Variants in AP2A2 observed in about 807,000 individuals in gnomAD.
The protein encoded by AP2A2 is adaptor related protein complex 2 subunit alpha 2.
In AP2A2, 32 loss-of-function variants were observed where a neutral mutation model predicts 104.2. The ratio of observed to expected loss-of-function variants is 0.31; its 90% CI spans 0.23 to 0.41. The LOEUF (loss-of-function observed/expected upper bound fraction) is 0.41, where lower values mean the gene tolerates loss of function less well. AP2A2 is among the 10% of genes least tolerant of loss of function. The probability of loss-of-function intolerance (pLI) is 1.00; values close to 1 mark genes in which losing one functional copy is unlikely to be tolerated. For missense variants in AP2A2, 912 were observed against 1,261.0 expected (o/e 0.72, Z 4.19); for synonymous variants, 539 against 533.3 (o/e 1.01, Z -0.15).
At chr11:999,285 A>G (rs191616595) in intron 14 of AP2A2, among the ~76,000 whole-genome samples, 2 of 152,190 alleles carry the variant, frequency 1.3e-5, no homozygotes, top group Admixed American at 1.3e-4. Context: ...GCCGAGGTGA[A>G]CGTATCACCT....
chr11:948,679 CA>C lies in AP2A2; in HGVS notation c.68-10756del, dbSNP rs375096647. Among the ~76,000 whole-genome samples the C allele has an allele frequency of 8.0e-4, 121 of 151,884 alleles. No individual in the cohort carries two copies. The Middle Eastern group carries it at 0.014, about 17-fold the overall frequency. The stretch of plus-strand genomic sequence containing the variant: ...GTCAGGAGTTCTAGACCAGTCTGGC[CA>C]ATTTGGTGAAACCCCGTCTCTACAA... On this transcript the variant is annotated intron_variant, in intron 1 of 21. Coordinates refer to ENST00000448903, the MANE Select transcript of AP2A2 (RefSeq NM_012305.4).
rs1400982964 is a variant in AP2A2, at chr11:994,092, G to T, written c.1803G>T (p.Met601Ile). 3.7e-6 allele frequency: 6 copies of T among 1,613,030 alleles called. No homozygotes were observed. Among genetic ancestry groups the T allele is most frequent in the African/African-American group, 2.7e-5 (2 of 75,046 alleles). The change falls in exon 14 of 22, where the codon ATG becomes ATT. Residue 601 changes from methionine (M) to isoleucine (I), a missense_variant. By Grantham distance (10) the Met-to-Ile change is conservative. Transcript: ENST00000448903. ...TDILATVLEE[M>I]PPFPERESSI... ...CCAAGGCGACCGTGCTGGAGGAGATGCCCCCATTCCCGGAGCGGGAGTCCT... is the reference window on the plus strand; with the variant it reads ...CCAAGGCGACCGTGCTGGAGGAGATTCCCCCATTCCCGGAGCGGGAGTCCT...
intron 16 of AP2A2, among the ~76,000 whole-genome samples, chr11:1,005,216 A>C (rs979888723): frequency 6.6e-6 from 1 of 152,232 alleles, no homozygotes; most frequent in Non-Finnish European, 1.5e-5. Flanking sequence ...CCTTGAGGAC[A>C]TGGTGCTCAG....
At chr11:984,014 C>A (rs531312632) in intron 6 of AP2A2, among the ~76,000 whole-genome samples, 1 of 152,256 alleles carries the variant, frequency 6.6e-6, no homozygotes, top group Non-Finnish European at 1.5e-5. Context: ...TCACTTACGG[C>A]CTAAAAGTGT....
chr11:964,713 A>T (rs1319245211), intron 2 of AP2A2, among the ~76,000 whole-genome samples: 1 of 152,262 alleles, frequency 6.6e-6, no homozygotes, highest in Non-Finnish European at 1.5e-5. Context: ...AAGCTAAAAA[A>T]TACCTGCCGA....
intron 4 of AP2A2, among the ~76,000 whole-genome samples, chr11:973,936 G>T (rs187282056): frequency 1.3e-5 from 2 of 152,204 alleles, no homozygotes; most frequent in African/African-American, 4.8e-5. Flanking sequence ...GGATGTCTGC[G>T]CGTGAGCGGA....
intron 4 of AP2A2, among the ~76,000 whole-genome samples, chr11:976,075 G>A (rs756376578): frequency 3.9e-5 from 6 of 152,306 alleles, no homozygotes; most frequent in East Asian, 3.9e-4. Flanking sequence ...TCCTGAAGCC[G>A]CCTGGCAAGG....
At chr11:998,249 G>A (rs1855918809) in intron 14 of AP2A2, among the ~76,000 whole-genome samples, 2 of 152,168 alleles carry the variant, frequency 1.3e-5, no homozygotes, top group African/African-American at 2.4e-5. Context: ...TCTTGCAGAG[G>A]TGCTCCGTCA....
chr11:947,142 C>T (rs1234402128), intron 1 of AP2A2, among the ~76,000 whole-genome samples: 1 of 151,626 alleles, frequency 6.6e-6, no homozygotes, highest in Non-Finnish European at 1.5e-5. Context: ...TTTTGAGTAG[C>T]TGGGATTACA....
chr11:932,713 G>C (rs748442633), intron 1 of AP2A2: 15 of 456,114 alleles, frequency 3.3e-5, no homozygotes, highest in Non-Finnish European at 4.8e-5. Context: ...TGCCAAGGTT[G>C]GTGGTCACTG....
chr11:976,636 C>CCAGGGG (rs1855049578), intron 4 of AP2A2, among the ~76,000 whole-genome samples: 1 of 152,014 alleles, frequency 6.6e-6, no homozygotes, highest in South Asian at 2.1e-4. Context: ...GCCCTTTGCT[C>CCAGGGG]CAGGGGCAAG....
At chr11:985,659 G>C (rs902073209) in intron 8 of AP2A2, 77 bp downstream of exon 8, 3 of 1,582,002 alleles carry the variant, frequency 1.9e-6, no homozygotes, top group East Asian at 2.3e-5. Context: ...AGACTGGGCG[G>C]ATCATGTCTG....
intron 1 of AP2A2, chr11:956,761 G>A (rs7396509): frequency 0.51 from 77,027 of 152,032 alleles, 20,145 homozygotes; most frequent in Middle Eastern, 0.66. Context: ...TCTAATGTGC[G>A]TTTTCCCTCT....
In AP2A2 at chr11:1,003,763, T is replaced by C. The variant is rs1224750010; in HGVS notation, c.2165T>C (p.Leu722Pro). 1.9e-6 allele frequency: 3 copies of C among 1,608,976 alleles called. No homozygotes were observed. The highest frequency in any genetic ancestry group is 2.5e-6 in the Non-Finnish European group (3 of 1,177,672). ...AATGGTGTGTTGTTTGAAAACCAGC[T>C]GCTTCAAATTGGACTTAAGTCTGAA... ...KNNGVLFENQ[L>P]LQIGLKSEFR... Residue 722 changes from leucine to proline, a missense_variant, in exon 16 of 22, where the codon CTG becomes CCG. This residue lies in a region of AP2A2 where 239 missense variants were observed against 329.8 expected (regional missense o/e 0.72). Coordinates refer to ENST00000448903, the MANE Select transcript of AP2A2 (RefSeq NM_012305.4).
chr11:971,934 G>T, intron 3 of AP2A2, 128 bp from the exon 4 acceptor site: 1 of 873,910 alleles, frequency 1.1e-6, no homozygotes, highest in Non-Finnish European at 1.7e-6. Context: ...CCACAGCAGT[G>T]CCCTGGGTGC....
intron 5 of AP2A2, among the ~76,000 whole-genome samples, 154 bp downstream of exon 5, chr11:977,378 G>A (rs1363227034): frequency 1.3e-5 from 2 of 151,904 alleles, no homozygotes; most frequent in Non-Finnish European, 2.9e-5. Context: ...GGCCCTTCCT[G>A]GGGCTGGATG....
At chr11:995,077 C>T (rs1855808479) in intron 14 of AP2A2, among the ~76,000 whole-genome samples, 1 of 152,246 alleles carries the variant, frequency 6.6e-6, no homozygotes, top group Non-Finnish European at 1.5e-5. Context: ...GGGCAAGGCA[C>T]TTCCTTCAGA....
chr11:1,007,658 G>A (rs1856255882), intron 17 of AP2A2: 1 of 329,884 alleles, frequency 3.0e-6, no homozygotes, highest in African/African-American at 2.2e-5. Context: ...GCTATTCCTG[G>A]GATTCTTAAA....
intron 6 of AP2A2, among the ~76,000 whole-genome samples, chr11:984,417 C>T (rs575319099): frequency 1.3e-5 from 2 of 152,278 alleles, no homozygotes; most frequent in South Asian, 2.1e-4. Context: ...TGTCTTGTAC[C>T]GAGCGAGGGC....
Sources: gnomAD v4.1 joint callset for allele counts (sites outside exome capture counted in the v4.1 genomes callset) on GRCh38, gnomAD v4.1.1 for gene constraint, gnomAD v4.1.1 regional missense constraint, MANE v1.5 for transcripts, NCBI Gene and HGNC (gene_info 2026-07-23, HGNC 2026-07-21) for gene names.